Variants in CAB39 observed in about 807,000 individuals in gnomAD.
CAB39 encodes calcium binding protein 39.
Under a neutral mutation model 40.0 loss-of-function variants are expected in CAB39, and 8 were observed. The observed-to-expected ratio is 0.20, with a 90% CI of 0.12 to 0.36. The LOEUF (loss-of-function observed/expected upper bound fraction) is 0.36, where lower values mean the gene tolerates loss of function less well. Among genes scored for constraint, CAB39 ranks in the 10% least tolerant of loss-of-function variants. The probability of loss-of-function intolerance (pLI) is 1.00; values close to 1 mark genes in which losing one functional copy is unlikely to be tolerated. For missense variants in CAB39, 270 were observed against 401.1 expected, an observed-to-expected ratio of 0.67 and a Z score of 2.79; for synonymous variants, 156 against 141.6, an observed-to-expected ratio of 1.10 and a Z score of -0.72.
At chr2:230,724,218 G>T (rs1202046069) in intron 1 of CAB39, among the ~76,000 whole-genome samples, 1 of 150,222 alleles carries the variant, frequency 6.7e-6, no homozygotes, top group Non-Finnish European at 1.5e-5. Context: ...CTGCACTCCA[G>T]CCTGGGTGAC....
intron 2 of CAB39, among the ~76,000 whole-genome samples, chr2:230,778,720 C>T (rs1695637158): frequency 6.6e-6 from 1 of 152,126 alleles, no homozygotes; most frequent in Non-Finnish European, 1.5e-5. Context: ...TCCTGTTACA[C>T]GTTACTTAAC....
chr2:230,716,200 C>A (rs140779962), intron 1 of CAB39, among the ~76,000 whole-genome samples: 1 of 152,274 alleles, frequency 6.6e-6, no homozygotes, highest in African/African-American at 2.4e-5. Flanking sequence ...AGAAGAACTG[C>A]TAAGAAAGTC....
At chr2:230,817,648 G>T in intron 7 of CAB39, 106 bp from the exon 8 acceptor site, 2 of 810,156 alleles carry the variant, frequency 2.5e-6, no homozygotes, top group South Asian at 2.1e-5. Context: ...TCTTTTGAGT[G>T]CCTACTAATA....
At chr2:230,807,834 A>T (rs377280205) in intron 5 of CAB39, among the ~76,000 whole-genome samples, 50 of 152,118 alleles carry the variant, frequency 3.3e-4, no homozygotes, top group African/African-American at 1.2e-3. Context: ...GTCTCTCAGG[A>T]CCCTCCTGCT....
chr2:230,796,377 G>C (rs1458046132), intron 4 of CAB39, among the ~76,000 whole-genome samples: 1 of 151,822 alleles, frequency 6.6e-6, no homozygotes, highest in East Asian at 1.9e-4. Flanking sequence ...TTACATGTTA[G>C]TATGCTGTTC....
At chr2:230,734,103 C>T (rs888071625) in intron 1 of CAB39, among the ~76,000 whole-genome samples, 1 of 152,222 alleles carries the variant, frequency 6.6e-6, no homozygotes. Context: ...TGACCCCTGC[C>T]CTTAGAGGTG....
Position 230,749,295 on chromosome 2 carries a change from A to G in CAB39, c.-43-10664A>G, listed in dbSNP as rs137934751. ...TAGCTCCTGTGCCTTTTTTAGCATG[A>G]CCTCATAAGTACAGTATTTGCTTTC... is the stretch of plus-strand genomic sequence containing the variant. On this transcript the variant is annotated intron_variant, in intron 1 of 8. Coordinates refer to ENST00000258418, the MANE Select transcript of CAB39 (RefSeq NM_016289.4). Among the ~76,000 whole-genome samples the G allele has an allele frequency of 2.8e-4, 42 of 152,110 alleles. 1 individual carries two copies. In the East Asian group the frequency reaches 4.4e-3, roughly 16 times the overall value.
chr2:230,750,251 G>A (rs996172829), intron 1 of CAB39, among the ~76,000 whole-genome samples: 1 of 152,144 alleles, frequency 6.6e-6, no homozygotes, highest in Non-Finnish European at 1.5e-5. Context: ...TCGTTAAGAG[G>A]GATTAATGCC....
chr2:230,785,640 G>C (rs901606505), intron 2 of CAB39, among the ~76,000 whole-genome samples: 2 of 152,000 alleles, frequency 1.3e-5, no homozygotes, highest in African/African-American at 4.8e-5. Flanking sequence ...TGAAAGAGAA[G>C]GGGGCTTTAT....
rs1213082653 is a variant in CAB39, at chr2:230,792,290, C to T, written c.280-923C>T. On this transcript the variant is annotated intron_variant, in intron 3 of 8. Transcript: ENST00000258418. ...TCTCCTTTGTCTGCCTCCACCCGAC[C>T]TGGACACTGAATTTAATATTTATGT... Among the ~76,000 whole-genome samples, 6 of 152,140 alleles carry T rather than the reference C, an allele frequency of 3.9e-5. No homozygotes were observed. The South Asian group carries it at 8.3e-4, about 21-fold the overall frequency.
At chr2:230,814,250 T>C in intron 7 of CAB39, 136 bp downstream of exon 7, 1 of 557,886 alleles carries the variant, frequency 1.8e-6, no homozygotes, top group East Asian at 3.1e-5. Flanking sequence ...TCAAGATTTT[T>C]GCGGAAAGGA....
At chr2:230,779,424 T>G (rs1559607825) in intron 2 of CAB39, 1 of 152,310 alleles carries the variant, frequency 6.6e-6, no homozygotes, top group Non-Finnish European at 1.5e-5. Flanking sequence ...GAGTCAGCAG[T>G]AAGGGATGAT....
intron 5 of CAB39, among the ~76,000 whole-genome samples, chr2:230,800,046 T>C (rs1451335429): frequency 6.6e-6 from 1 of 150,516 alleles, no homozygotes. Flanking sequence ...AGAAAATACA[T>C]ATATACACAC....
intron 1 of CAB39, among the ~76,000 whole-genome samples, chr2:230,728,690 G>A (rs1045189307): frequency 3.3e-5 from 5 of 152,082 alleles, no homozygotes; most frequent in Non-Finnish European, 5.9e-5. Context: ...GTTTACTGTA[G>A]CCCCGAACCC....
intron 2 of CAB39, among the ~76,000 whole-genome samples, chr2:230,767,184 A>G (rs1237187103): frequency 6.6e-6 from 1 of 152,234 alleles, no homozygotes; most frequent in Non-Finnish European, 1.5e-5. Flanking sequence ...TTGAAGCAAA[A>G]TGCATACTTC....
At chr2:230,769,101 G>A (rs1351208024) in intron 2 of CAB39, among the ~76,000 whole-genome samples, 4 of 151,968 alleles carry the variant, frequency 2.6e-5, no homozygotes, top group Non-Finnish European at 5.9e-5. Context: ...AAAGCTGGAG[G>A]GGCTGTACTA....
intron 2 of CAB39, among the ~76,000 whole-genome samples, chr2:230,762,774 A>G (rs925584903): frequency 6.6e-6 from 1 of 152,222 alleles, no homozygotes; most frequent in Non-Finnish European, 1.5e-5. Flanking sequence ...GGCACTGGGG[A>G]TATAATACTC....
intron 2 of CAB39, among the ~76,000 whole-genome samples, chr2:230,767,420 G>C (rs1695406065): frequency 6.6e-6 from 1 of 152,102 alleles, no homozygotes; most frequent in Non-Finnish European, 1.5e-5. Context: ...GTAGTGTCCT[G>C]CTCACTGCTT....
At chr2:230,810,436 A>G (rs1696284119) in intron 6 of CAB39, 114 bp downstream of exon 6, 1 of 454,626 alleles carries the variant, frequency 2.2e-6, no homozygotes. Context: ...TGTAATGTTT[A>G]TAAATGGTGC....
Sources: allele counts gnomAD v4.1 joint callset (sites outside exome capture counted in the v4.1 genomes callset), GRCh38; gene constraint gnomAD v4.1.1; transcripts MANE v1.5; gene names NCBI Gene and HGNC (gene_info 2026-07-23, HGNC 2026-07-21).